SLC7A9: variants seen among roughly 807,000 people sequenced by gnomAD.
The protein encoded by SLC7A9 is solute carrier family 7 member 9.
SLC7A9 carries 38 observed loss-of-function variants against 54.1 expected under a neutral mutation model. The ratio of observed to expected loss-of-function variants is 0.70; its 90% CI spans 0.54 to 0.92. The LOEUF is 0.92. SLC7A9 is among the 40% of genes least tolerant of loss of function. SLC7A9 has a pLI of 0.00. For synonymous variants in SLC7A9, 264 were observed against 258.9 expected (o/e 1.02, Z -0.19); for missense variants, 537 against 636.1 (o/e 0.84, Z 1.68).
chr19:32,840,310 C>T (rs1301002342), intron 11 of SLC7A9, among the ~76,000 whole-genome samples: 2 of 152,038 alleles, frequency 1.3e-5, no homozygotes, highest in African/African-American at 4.8e-5. Context: ...ATAGCTGGGA[C>T]TATAGGCGTG....
chr19:32,835,526 A>G (rs1599650758), intron 11 of SLC7A9, among the ~76,000 whole-genome samples: 1 of 152,346 alleles, frequency 6.6e-6, no homozygotes, highest in African/African-American at 2.4e-5. Context: ...GTAATTTACT[A>G]AAACTGATCT....
chr19:32,844,108 G>A (rs1032998976), intron 9 of SLC7A9, among the ~76,000 whole-genome samples, 157 bp from the exon 10 acceptor site: 2 of 152,096 alleles, frequency 1.3e-5, no homozygotes, highest in Non-Finnish European at 2.9e-5. Context: ...TCTGTCTTCG[G>A]GAGACGAGTG....
At chr19:32,858,332 G>T in intron 9 of SLC7A9, 108 bp downstream of exon 9, 1 of 782,804 alleles carries the variant, frequency 1.3e-6, no homozygotes, top group Non-Finnish European at 2.2e-6. Flanking sequence ...TACTGGCGTG[G>T]GTTTCGCCTG....
chr19:32,862,672 T>TTA, intron 4 of SLC7A9, 86 bp from the exon 5 acceptor site: 1 of 1,251,760 alleles, frequency 8.0e-7, no homozygotes, highest in Non-Finnish European at 1.0e-6. Flanking sequence ...TTTTTTATTT[T>TTA]TTTTTTTTTT....
chr19:32,864,254 A>G lies in SLC7A9; in HGVS notation c.320T>C (p.Ile107Thr). The G allele has an allele frequency of 6.2e-7, 1 of 1,614,084 alleles. No individual in the cohort carries two copies. Among genetic ancestry groups the G allele is most frequent in the Non-Finnish European group, 8.5e-7 (1 of 1,179,982 alleles). The change falls in exon 4 of 13, where the codon ATC (isoleucine) becomes ACC (threonine). Residue 107 changes from isoleucine (I) to threonine (T), a missense_variant. Coordinates refer to ENST00000023064, the MANE Select transcript of SLC7A9 (RefSeq NM_014270.5). ...YPYLMEAYGP[I>T]PAYLFSWASL... ...GGCCCAGGAGAAGAGGTAGGCGGGG[A>G]TGGGCCCGTAGGCCTCCATCAGGTA...
At chr19:32,838,712 G>A (rs964790473) in intron 11 of SLC7A9, among the ~76,000 whole-genome samples, 1 of 143,356 alleles carries the variant, frequency 7.0e-6, no homozygotes, top group African/African-American at 2.5e-5. Flanking sequence ...GTACTTATAT[G>A]TATATGTATT....
chr19:32,867,475 C>T (rs996666082), intron 2 of SLC7A9, among the ~76,000 whole-genome samples: 1 of 151,980 alleles, frequency 6.6e-6, no homozygotes, highest in South Asian at 2.1e-4. Context: ...TATGATTGCA[C>T]CACTGCACTC....
chr19:32,862,668 A>ATTT (rs1250960402), intron 4 of SLC7A9, 82 bp from the exon 5 acceptor site: 304 of 1,000,190 alleles, frequency 3.0e-4, no homozygotes, highest in Middle Eastern at 7.5e-4. Flanking sequence ...TATATTTTTT[A>ATTT]TTTTTTTTTT....
At chr19:32,839,975 T>C (rs1237468694) in intron 11 of SLC7A9, among the ~76,000 whole-genome samples, 1 of 152,172 alleles carries the variant, frequency 6.6e-6, no homozygotes, top group Non-Finnish European at 1.5e-5. Flanking sequence ...TCTTGAATTA[T>C]GGATTTTGGG....
intron 2 of SLC7A9, among the ~76,000 whole-genome samples, chr19:32,867,929 CAAAAAAAAA>C (rs57446079): frequency 1.2e-4 from 8 of 66,022 alleles, no homozygotes; most frequent in Non-Finnish European, 2.1e-4. Context: ...GACTCTGTCT[CAAAAAAAAA>C]AAAAAAAAAA....
At chr19:32,837,220 G>A (rs1967983933) in intron 11 of SLC7A9, among the ~76,000 whole-genome samples, 1 of 152,004 alleles carries the variant, frequency 6.6e-6, no homozygotes, top group Non-Finnish European at 1.5e-5. Flanking sequence ...TTCCTGCCAG[G>A]TGCTGTGGCT....
chr19:32,842,594 G>GT (rs1555782204), intron 10 of SLC7A9, among the ~76,000 whole-genome samples: 1 of 93,764 alleles, frequency 1.1e-5, no homozygotes, highest in Non-Finnish European at 2.1e-5. Flanking sequence ...GTAACTGTGG[G>GT]TTTTTTTGTT....
At chr19:32,867,929 CAAAAAAAAAA>C (rs57446079) in intron 2 of SLC7A9, among the ~76,000 whole-genome samples, 2 of 66,006 alleles carry the variant, frequency 3.0e-5, no homozygotes, top group Non-Finnish European at 6.1e-5. Flanking sequence ...GACTCTGTCT[CAAAAAAAAAA>C]AAAAAAAAAA....
chr19:32,848,144 C>A (rs1968356800), intron 9 of SLC7A9, among the ~76,000 whole-genome samples: 1 of 152,180 alleles, frequency 6.6e-6, no homozygotes, highest in Admixed American at 6.5e-5. Flanking sequence ...AGCAAAATAA[C>A]CAGCTAACAT....
chr19:32,836,610 T>A (rs533852978), intron 11 of SLC7A9, among the ~76,000 whole-genome samples: 1 of 152,300 alleles, frequency 6.6e-6, no homozygotes, highest in African/African-American at 2.4e-5. Flanking sequence ...CGGGGCTTGA[T>A]ACAAACCTCT....
In SLC7A9 at chr19:32,842,273, C is replaced by T. The variant is rs111630604; in HGVS notation, c.1119G>A (p.Ser373=). The change falls in exon 11 of 13, where the codon TCG becomes TCA. Residue 373 remains serine, a synonymous_variant. Transcript: ENST00000023064. ...CGGCAAAGCTGAAATAATTGACTAA[C>T]GAGTTTATGTCACCAGGGATGATAT... ...TIYIIPGDIN[S]LVNYFSFAAW... is the part of the protein sequence containing the mutation. The T allele has an allele frequency of 1.6e-3, 2,622 of 1,613,852 alleles. 44 individuals are homozygous for T. The African/African-American group carries it at 0.029, about 18-fold the overall frequency.
At chr19:32,862,675 T>TA (rs1555785162) in intron 4 of SLC7A9, 89 bp from the exon 5 acceptor site, 96 of 1,257,910 alleles carry the variant, frequency 7.6e-5, no homozygotes, top group East Asian at 7.3e-4. Flanking sequence ...TTTATTTTTT[T>TA]TTTTTTTTGA....
intron 4 of SLC7A9, 40 bp downstream of exon 4, chr19:32,864,056 C>A: frequency 6.2e-7 from 1 of 1,612,944 alleles, no homozygotes; most frequent in South Asian, 1.1e-5. Flanking sequence ...CCCTCTGTGC[C>A]AGGTCTTTTC....
At position 32,843,349 on chromosome 19, in the gene SLC7A9, C is replaced by T. The variant is rs139912786; in HGVS notation, c.1074+506G>A. Reference sequence around the variant, plus strand: ...GCAGGCCCCTTCAATCCCAGCTACTCGGAAGGCTGAGGCAGGAGAATCATT... The same window carrying T: ...GCAGGCCCCTTCAATCCCAGCTACTTGGAAGGCTGAGGCAGGAGAATCATT... On this transcript the variant is annotated intron_variant, in intron 10 of 12. Coordinates refer to ENST00000023064, the MANE Select transcript of SLC7A9 (RefSeq NM_014270.5). Among the ~76,000 whole-genome samples the T allele has an allele frequency of 4.7e-3, 714 of 152,106 alleles. 7 individuals are homozygous for T. Among genetic ancestry groups the T allele is most frequent in the African/African-American group, 0.017 (685 of 41,476 alleles).
Sources: gnomAD v4.1 joint callset for allele counts (sites outside exome capture counted in the v4.1 genomes callset) on GRCh38, gnomAD v4.1.1 for gene constraint, MANE v1.5 for transcripts, NCBI Gene and HGNC (gene_info 2026-07-23, HGNC 2026-07-21) for gene names.